GABRA3: variants seen among roughly 807,000 people sequenced by gnomAD.
The protein encoded by GABRA3 is gamma-aminobutyric acid receptor subunit alpha-3.
Under a neutral mutation model 30.1 loss-of-function variants are expected in GABRA3, and 10 were observed. The observed-to-expected ratio is 0.33, with a 90% CI of 0.20 to 0.56. GABRA3 has a LOEUF of 0.56. Ranked by LOEUF, GABRA3 falls within the 20% of genes least tolerant of loss-of-function variation. The pLI is 0.89. For synonymous variants in GABRA3, 151 were observed against 146.8 expected (o/e 1.03, Z -0.21); for missense variants, 233 against 392.0 (o/e 0.59, Z 3.42).
chrX:152,274,660 G>A (rs1269970551), intron 4 of GABRA3, among the ~76,000 whole-genome samples: 2 of 110,502 alleles, frequency 1.8e-5, no homozygotes, highest in Non-Finnish European at 3.8e-5. Context: ...TTAAAGTGGT[G>A]CTTGGAGGGA....
At chrX:152,344,244 C>A (rs1272503610) in intron 3 of GABRA3, among the ~76,000 whole-genome samples, 1 of 111,319 alleles carries the variant, frequency 9.0e-6, no homozygotes, top group Non-Finnish European at 1.9e-5. Context: ...GAAACAGAAG[C>A]CAAATGGAAT....
chrX:152,382,255 C>T (rs1199015740), intron 1 of GABRA3, among the ~76,000 whole-genome samples: 4 of 111,844 alleles, frequency 3.6e-5, no homozygotes, highest in African/African-American at 9.8e-5. Context: ...GTCAGAATGG[C>T]GATCATTAAA....
At chrX:152,318,821 G>T (rs1339932876) in intron 3 of GABRA3, among the ~76,000 whole-genome samples, 1 of 111,407 alleles carries the variant, frequency 9.0e-6, no homozygotes, top group East Asian at 2.8e-4. Flanking sequence ...AAAACCCTCA[G>T]CAAAGTCAGC....
intron 3 of GABRA3, among the ~76,000 whole-genome samples, chrX:152,292,416 A>T (rs1051884478): frequency 1.8e-5 from 2 of 110,530 alleles, no homozygotes; most frequent in South Asian, 3.8e-4. Flanking sequence ...TTTTTATTGC[A>T]TCTATTTGAT....
chrX:152,363,874 T>C (rs1928578510), intron 2 of GABRA3, among the ~76,000 whole-genome samples: 1 of 112,138 alleles, frequency 8.9e-6, no homozygotes, highest in Non-Finnish European at 1.9e-5. Flanking sequence ...GAAGTGTTCA[T>C]TTCAGCAACA....
At chrX:152,200,253 T>C (rs1442789141) in intron 7 of GABRA3, among the ~76,000 whole-genome samples, 1 of 111,676 alleles carries the variant, frequency 9.0e-6, no homozygotes, top group Non-Finnish European at 1.9e-5. Context: ...TCCACCCACA[T>C]TTGGTTTTGG....
At chrX:152,235,111 G>A (rs774516902) in intron 5 of GABRA3, among the ~76,000 whole-genome samples, 1 of 111,725 alleles carries the variant, frequency 9.0e-6, no homozygotes, top group Non-Finnish European at 1.9e-5. Context: ...AGCCTGGGAT[G>A]TTTTCCCATT....
chrX:152,195,672 C>G (rs1362438153), intron 8 of GABRA3, among the ~76,000 whole-genome samples: 2 of 111,860 alleles, frequency 1.8e-5, no homozygotes, highest in Admixed American at 1.9e-4. Context: ...CTCCTTCTGT[C>G]ATCACATTGC....
chrX:152,436,680 A>T (rs776162044), intron 1 of GABRA3, among the ~76,000 whole-genome samples: 2 of 111,696 alleles, frequency 1.8e-5, no homozygotes, highest in Admixed American at 9.6e-5. Context: ...GACATACATA[A>T]GGAAAAATAT....
intron 1 of GABRA3, among the ~76,000 whole-genome samples, chrX:152,412,902 C>T (rs1482424553): frequency 9.1e-6 from 1 of 109,976 alleles, no homozygotes; most frequent in Non-Finnish European, 1.9e-5. Context: ...GCATAATGGG[C>T]GTTTCAGAGG....
At chrX:152,366,171 ATACGC>A (rs1928655287) in intron 1 of GABRA3, among the ~76,000 whole-genome samples, 1 of 111,941 alleles carries the variant, frequency 8.9e-6, no homozygotes, top group African/African-American at 3.2e-5. Context: ...TAACCATGAT[ATACGC>A]TCAAACATTC....
chrX:152,225,340 C>A (rs1052247868), intron 5 of GABRA3, among the ~76,000 whole-genome samples: 1 of 109,645 alleles, frequency 9.1e-6, no homozygotes, highest in African/African-American at 3.3e-5. Flanking sequence ...CTCACAGGAA[C>A]TGCTATAGCT....
intron 1 of GABRA3, among the ~76,000 whole-genome samples, chrX:152,366,677 A>G (rs1219582386): frequency 8.9e-6 from 1 of 112,678 alleles, no homozygotes; most frequent in Non-Finnish European, 1.9e-5. Flanking sequence ...GCCTTCAAAA[A>G]TGATCACACA....
At chrX:152,218,330 T>C (rs1197272809) in intron 6 of GABRA3, among the ~76,000 whole-genome samples, 1 of 111,065 alleles carries the variant, frequency 9.0e-6, no homozygotes, top group Non-Finnish European at 1.9e-5. Context: ...ATGTACTTTG[T>C]ATGGTTCCAA....
chrX:152,241,837 G>A (rs1168783300), intron 5 of GABRA3, among the ~76,000 whole-genome samples: 2 of 111,876 alleles, frequency 1.8e-5, no homozygotes, highest in Non-Finnish European at 3.8e-5. Context: ...CTTCCCAAGT[G>A]AGGCAATGCC....
At position 152,232,686 on chromosome X, in the gene GABRA3, CAT is replaced by C. The variant is rs760935178; in HGVS notation, c.552-7843_552-7842del. 2.5e-3 allele frequency among the ~76,000 whole-genome samples: 263 copies of C among 105,950 alleles called. 1 individual carries two copies. Among genetic ancestry groups the C allele is most frequent in the African/African-American group, 8.7e-3 (255 of 29,279 alleles). 92.0% of individuals were successfully genotyped at this position (105,950 alleles called of 115,157 possible). A position where few individuals can be genotyped will look rare whatever the true frequency, so the allele number is the denominator to read the frequency against. ...ATATATACAGCATTATATATATATA[CAT>C]ATATATATAATTTTATTTATCCAAT... On this transcript the variant is annotated intron_variant, in intron 5 of 9. Coordinates refer to ENST00000370314, the MANE Select transcript of GABRA3 (RefSeq NM_000808.4).
At chrX:152,260,433 C>A (rs748018673) in intron 4 of GABRA3, among the ~76,000 whole-genome samples, 2 of 110,593 alleles carry the variant, frequency 1.8e-5, no homozygotes, top group African/African-American at 3.3e-5. Flanking sequence ...TTGAGTGAGA[C>A]CCAATACTGT....
intron 1 of GABRA3, among the ~76,000 whole-genome samples, chrX:152,405,339 A>G (rs1379439671): frequency 1.9e-5 from 2 of 103,624 alleles, no homozygotes; most frequent in Non-Finnish European, 3.9e-5. Flanking sequence ...TGCAAGTCCC[A>G]GTCAGCTCCA....
intron 7 of GABRA3, among the ~76,000 whole-genome samples, chrX:152,203,285 C>G (rs1382210449): frequency 8.9e-6 from 1 of 111,915 alleles, no homozygotes; most frequent in Non-Finnish European, 1.9e-5. Context: ...GTGCCTTTAT[C>G]TAAAATACTC....
Sources: allele counts gnomAD v4.1 joint callset (sites outside exome capture counted in the v4.1 genomes callset), GRCh38; gene constraint gnomAD v4.1.1; transcripts MANE v1.5; gene names NCBI Gene and HGNC (gene_info 2026-07-23, HGNC 2026-07-21).